The following WNT2B variants were observed in gnomAD, a reference collection of about 807,000 sequenced individuals.
WNT2B encodes the protein protein Wnt-2b.
In WNT2B, 19 loss-of-function variants were observed where a neutral mutation model predicts 40.5. That is an observed-to-expected ratio of 0.47 (90% CI 0.33 to 0.69). WNT2B has a LOEUF of 0.69. Among genes scored for constraint, WNT2B ranks in the 30% least tolerant of loss-of-function variants. The pLI, the probability that WNT2B is intolerant of heterozygous loss-of-function variation, is 0.02. For missense variants in WNT2B, 467 were observed against 556.4 expected (o/e 0.84, Z 1.62); for synonymous variants, 220 against 211.9 (o/e 1.04, Z -0.33).
At chr1:112,483,614 CA>C (rs1651302265) in intron 1 of WNT2B, among the ~76,000 whole-genome samples, 1 of 150,656 alleles carries the variant, frequency 6.6e-6, no homozygotes, top group African/African-American at 2.4e-5. Flanking sequence ...GCAACAGAAG[CA>C]AAAATAGACA....
Position 112,526,048 on chromosome 1 carries a change from A to C in WNT2B, c.*5539A>C, listed in dbSNP as rs753101079. On this transcript the variant is annotated 3_prime_UTR_variant, in exon 5 of 5. Transcript: ENST00000369684. Reference sequence around the variant, plus strand: ...CTCAAACCTAGGTCTTCTGACTTCAAATCCTGTGTATTCTCCTCAAAGCCT... The same window carrying C: ...CTCAAACCTAGGTCTTCTGACTTCACATCCTGTGTATTCTCCTCAAAGCCT... 2 of 1,614,110 alleles carry C rather than the reference A, an allele frequency of 1.2e-6. No individual in the cohort carries two copies. Among genetic ancestry groups the C allele is most frequent in the African/African-American group, 2.7e-5 (2 of 74,998 alleles).
rs560806424 is a variant in WNT2B, at chr1:112,493,908, A to G, written c.-94-20966A>G. ...AACGACAAAAACACTACACCTAGGC[A>G]TATCATATTTAAAACTGCAAAAAAT... On this transcript the variant is annotated intron_variant, in intron 1 of 4. Coordinates refer to the WNT2B transcript ENST00000256640. Among the ~76,000 whole-genome samples, 36 of 150,110 alleles carry G rather than the reference A, an allele frequency of 2.4e-4. 1 individual carries two copies. Among genetic ancestry groups the G allele is most frequent in the Admixed American group, 4.1e-4 (6 of 14,694 alleles).
intron 1 of WNT2B, among the ~76,000 whole-genome samples, chr1:112,483,828 C>G (rs561132115): frequency 6.8e-6 from 1 of 147,364 alleles, no homozygotes; most frequent in African/African-American, 2.5e-5. Context: ...AAATAAATAA[C>G]CCTACTTTAA....
chr1:112,520,712 G>A lies in WNT2B; in HGVS notation c.*203G>A. 5.0e-6 allele frequency: 3 copies of A among 605,044 alleles called. No individual in the cohort carries two copies. Among genetic ancestry groups the A allele is most frequent in the Non-Finnish European group, 5.8e-6 (2 of 345,030 alleles). The allele number at this position is 605,044 out of a possible 1,614,324, so 37.5% of individuals were successfully genotyped here. On this transcript the variant is annotated 3_prime_UTR_variant, in exon 5 of 5. Coordinates refer to ENST00000369684, the MANE Select transcript of WNT2B (RefSeq NM_024494.3). The stretch of plus-strand genomic sequence containing the variant: ...GAGTTGTCAGGGGATATAAGAAACT[G>A]AGCAAGCTCCCTGATTTCCCGCTCT...
At chr1:112,493,203 A>G (rs1284977140) in intron 1 of WNT2B, among the ~76,000 whole-genome samples, 1 of 152,216 alleles carries the variant, frequency 6.6e-6, no homozygotes, top group Non-Finnish European at 1.5e-5. Context: ...GAAGCAAGAA[A>G]TGCTAGAGAT....
Position 112,524,627 on chromosome 1 carries a change from C to T in WNT2B, c.*4118C>T, listed in dbSNP as rs780581632. On this transcript the variant is annotated 3_prime_UTR_variant, in exon 5 of 5. Coordinates refer to ENST00000369684, the MANE Select transcript of WNT2B (RefSeq NM_024494.3). ...CCTTGGTGGAGGCCTCTGCCCCGAC[C>T]CTCCACTTGGGAACTGCCTGCTACT... 8.5e-5 allele frequency: 13 copies of T among 152,602 alleles called. No individual in the cohort carries two copies. The highest frequency in any genetic ancestry group is 3.1e-4 in the African/African-American group (13 of 41,428). The allele number at this position is 152,602 out of a possible 1,614,324, so 9.5% of individuals were successfully genotyped here.
chr1:112,496,593 T>C (rs753098887), intron 1 of WNT2B, among the ~76,000 whole-genome samples: 9 of 139,894 alleles, frequency 6.4e-5, no homozygotes, highest in Non-Finnish European at 1.3e-4. Flanking sequence ...CAGACGTTTC[T>C]TTTTCTTTTT....
At chr1:112,520,250 T>C (rs1171102064) in intron 4 of WNT2B, 30 bp from the exon 5 acceptor site, 2 of 1,596,236 alleles carry the variant, frequency 1.3e-6, no homozygotes, top group Non-Finnish European at 1.7e-6. Context: ...GAGATAACTT[T>C]GTTCTCACTC....
In WNT2B at chr1:112,522,547, C is replaced by T. The variant is rs1363580807; in HGVS notation, c.*2038C>T. ...GTTCCTCTCCAATATCCCTTGGGGTCCTCATGTTTTTGAAGCAGCTTCACT... is the reference window on the plus strand; with the variant it reads ...GTTCCTCTCCAATATCCCTTGGGGTTCTCATGTTTTTGAAGCAGCTTCACT... On this transcript the variant is annotated 3_prime_UTR_variant, in exon 5 of 5. Coordinates refer to ENST00000369684, the MANE Select transcript of WNT2B (RefSeq NM_024494.3). The T allele has an allele frequency of 6.6e-6, 1 of 152,224 alleles. No individual in the cohort carries two copies. Among genetic ancestry groups the T allele is most frequent in the African/African-American group, 2.4e-5 (1 of 41,436 alleles). The allele number at this position is 152,224 out of a possible 1,614,324, so 9.4% of individuals were successfully genotyped here. A position where few individuals can be genotyped will look rare whatever the true frequency, so the allele number is the denominator to read the frequency against.
chr1:112,503,870 G>A (rs1018553627), intron 1 of WNT2B, among the ~76,000 whole-genome samples: 1 of 152,104 alleles, frequency 6.6e-6, no homozygotes, highest in Non-Finnish European at 1.5e-5. Flanking sequence ...CCAGGGAGAT[G>A]GAGACTCAGA....
intron 1 of WNT2B, among the ~76,000 whole-genome samples, chr1:112,468,141 C>T (rs1011496017): frequency 1.3e-5 from 2 of 152,172 alleles, no homozygotes; most frequent in African/African-American, 2.4e-5. Flanking sequence ...GAGTTGATTT[C>T]ATTCTTTTTT....
intron 1 of WNT2B, among the ~76,000 whole-genome samples, chr1:112,490,321 C>G (rs571491595): frequency 6.6e-6 from 1 of 152,262 alleles, no homozygotes; most frequent in Admixed American, 6.5e-5. Flanking sequence ...AGAAAATCGG[C>G]CTTGGGATCA....
intron 1 of WNT2B, among the ~76,000 whole-genome samples, chr1:112,479,237 A>G (rs567198843): frequency 6.6e-6 from 1 of 151,520 alleles, no homozygotes; most frequent in South Asian, 2.1e-4. Context: ...AAATAAATAA[A>G]TAAAAATAAA....
chr1:112,509,032 C>G lies in WNT2B; in HGVS notation c.-231C>G. Reference sequence around the variant, plus strand: ...GACACCGCACCCGGTCCTCAGGCAGCGCGCCCCAGACCCCGGGTTCGGCAC... The same window carrying G: ...GACACCGCACCCGGTCCTCAGGCAGGGCGCCCCAGACCCCGGGTTCGGCAC... On this transcript the variant is annotated 5_prime_UTR_variant, in exon 1 of 5. Coordinates refer to ENST00000369684, the MANE Select transcript of WNT2B (RefSeq NM_024494.3). This position sits in a 1 kb window ranked among gnomAD's most constrained non-coding sequence, Gnocchi z 4.2. 1.5e-6 allele frequency: 2 copies of G among 1,349,812 alleles called. No individual in the cohort carries two copies. The highest frequency in any genetic ancestry group is 1.9e-6 in the Non-Finnish European group (2 of 1,060,262). The allele number at this position is 1,349,812 out of a possible 1,614,324, so 83.6% of individuals were successfully genotyped here. A position where few individuals can be genotyped will look rare whatever the true frequency, so the allele number is the denominator to read the frequency against.
chr1:112,499,649 T>A (rs779413451), intron 1 of WNT2B, among the ~76,000 whole-genome samples: 34 of 152,172 alleles, frequency 2.2e-4, no homozygotes, highest in Non-Finnish European at 4.1e-4. Flanking sequence ...CTCAATTTGA[T>A]TAAAAAACAG....
At position 112,515,018 on chromosome 1, in the gene WNT2B, C is replaced by T. The variant is rs1228039741; in HGVS notation, c.327C>T (p.His109=). Residue 109 remains histidine, a synonymous_variant, in exon 2 of 5, where the codon CAC becomes CAT. Transcript: ENST00000369684. This position sits in a 1 kb window ranked among gnomAD's most constrained non-coding sequence, Gnocchi z 4.4. ...GAREWIRECQ[H]QFRHHRWNCT... ...GAGAATGGATCCGAGAGTGTCAGCA[C>T]CAATTCCGCCACCACCGCTGGAACT... 1 of 1,614,160 alleles carries T rather than the reference C, an allele frequency of 6.2e-7. No individual in the cohort carries two copies. Among genetic ancestry groups the T allele is most frequent in the African/African-American group, 1.3e-5 (1 of 75,028 alleles).
Position 112,525,650 on chromosome 1 carries a change from CTATGAG to C in WNT2B, c.*5145_*5150del, listed in dbSNP as rs199905790. 2,694 of 170,296 alleles carry C rather than the reference CTATGAG, an allele frequency of 0.016. 224 individuals are homozygous for C. Among genetic ancestry groups the C allele is most frequent in the Admixed American group, 0.14 (2,440 of 17,208 alleles). The allele number at this position is 170,296 out of a possible 1,614,324, so 10.5% of individuals were successfully genotyped here. On this transcript the variant is annotated 3_prime_UTR_variant, in exon 5 of 5. Coordinates refer to ENST00000369684, the MANE Select transcript of WNT2B (RefSeq NM_024494.3). Reference sequence around the variant, plus strand: ...AAATTTTCCTTTGCTCACTTCCATTCTATGAGTATATCGATGGAGCAGCTGGACATT... The same window carrying C: ...AAATTTTCCTTTGCTCACTTCCATTCTATATCGATGGAGCAGCTGGACATT...
At chr1:112,490,470 C>G (rs1651561434) in intron 1 of WNT2B, among the ~76,000 whole-genome samples, 2 of 151,608 alleles carry the variant, frequency 1.3e-5, no homozygotes, top group Admixed American at 6.6e-5. Flanking sequence ...CAATAAATTA[C>G]TTTTCTCAAA....
upstream of WNT2B, among the ~76,000 whole-genome samples, chr1:112,507,462 G>A (rs972474553): frequency 2.0e-5 from 3 of 152,254 alleles, no homozygotes; most frequent in Non-Finnish European, 4.4e-5. Flanking sequence ...GTTGGGGACA[G>A]GAGGGAAGTG....
Sources: allele counts gnomAD v4.1 joint callset (sites outside exome capture counted in the v4.1 genomes callset), GRCh38; gene constraint gnomAD v4.1.1; non-coding constraint Gnocchi (gnomAD v3.1); transcripts MANE v1.5; gene names NCBI Gene and HGNC (gene_info 2026-07-23, HGNC 2026-07-21).